Variants in LNX1 observed in about 807,000 individuals in gnomAD.
The protein encoded by LNX1 is E3 ubiquitin-protein ligase LNX.
In LNX1, 54 loss-of-function variants were observed where a neutral mutation model predicts 68.4. The ratio of observed to expected loss-of-function variants is 0.79; its 90% CI spans 0.63 to 0.99. LNX1 has a LOEUF of 0.99. Among genes scored for constraint, LNX1 ranks in the 50% least tolerant of loss-of-function variants. The pLI is 0.00. For missense variants in LNX1, 906 were observed against 926.4 expected, an observed-to-expected ratio of 0.98 and a Z score of 0.29; for synonymous variants, 336 against 350.0, an observed-to-expected ratio of 0.96 and a Z score of 0.45.
Position 53,495,873 on chromosome 4 carries a change from T to C in LNX1, c.1350+150A>G. 1.1e-5 allele frequency: 11 copies of C among 972,506 alleles called. 1 individual carries two copies. The South Asian group carries it at 1.8e-4, about 16-fold the overall frequency. The allele number at this position is 972,506 out of a possible 1,614,324, so 60.2% of individuals were successfully genotyped here. A position where few individuals can be genotyped will look rare whatever the true frequency, so the allele number is the denominator to read the frequency against. ...AATGTTCTTACCTGGGCAGAAGCTT[T>C]GAAAATGTTGGTCTTTCCATCCTGA... On this transcript the variant is annotated intron_variant, in intron 6 of 10. Transcript: ENST00000263925.
intron 2 of LNX1, among the ~76,000 whole-genome samples, chr4:53,599,491 C>T (rs1346275369): frequency 6.6e-6 from 1 of 152,206 alleles, no homozygotes; most frequent in African/African-American, 2.4e-5. Context: ...ACCAGCAGCC[C>T]TTGGGCCTGC....
intron 10 of LNX1, 138 bp from the exon 11 acceptor site, chr4:53,461,180 G>C (rs1478442940): frequency 1.8e-5 from 14 of 764,948 alleles, no homozygotes; most frequent in Non-Finnish European, 2.8e-5. Context: ...GATATTTCTT[G>C]CCTCTTATTT....
chr4:53,552,932 T>C (rs768718349), intron 2 of LNX1, among the ~76,000 whole-genome samples: 4 of 152,108 alleles, frequency 2.6e-5, no homozygotes, highest in Non-Finnish European at 5.9e-5. Context: ...AGTACAGTGC[T>C]GCATCCTGAA....
chr4:53,531,061 A>C (rs1727986726), intron 2 of LNX1, among the ~76,000 whole-genome samples: 1 of 152,150 alleles, frequency 6.6e-6, no homozygotes, highest in African/African-American at 2.4e-5. Flanking sequence ...GCTACTCAGG[A>C]GGCTGAGGTG....
intron 2 of LNX1, among the ~76,000 whole-genome samples, chr4:53,532,657 C>A (rs1728100320): frequency 6.6e-6 from 1 of 152,126 alleles, no homozygotes; most frequent in South Asian, 2.1e-4. Flanking sequence ...CCCTATGTGA[C>A]CATTTGGAGA....
chr4:53,496,060 C>T lies in LNX1; in HGVS notation c.1313G>A (p.Arg438Gln), dbSNP rs749787232. 1.2e-5 allele frequency: 20 copies of T among 1,613,860 alleles called. No homozygotes were observed. The highest frequency in any genetic ancestry group is 2.7e-5 in the African/African-American group (2 of 74,910). Residue 438 changes from arginine (R) to glutamine (Q), a missense_variant, in exon 6 of 11, where the codon CGA (arginine) becomes CAA (glutamine). Transcript: ENST00000263925. Reference protein sequence around the residue: ...RVLAINGHDLRYGSPESAAHL... With the variant: ...RVLAINGHDLQYGSPESAAHL... ...AGCCGCACTTTCTGGGCTGCCATAT[C>T]GAAGATCATGTCCATTGATGGCTAA...
chr4:53,506,273 C>T (rs1725863101), intron 4 of LNX1, among the ~76,000 whole-genome samples: 1 of 152,176 alleles, frequency 6.6e-6, no homozygotes, highest in Non-Finnish European at 1.5e-5. Flanking sequence ...ATCCCCTTAA[C>T]ATTATTGTCA....
chr4:53,634,428 G>A (rs1256273346), intron 1 of LNX1, among the ~76,000 whole-genome samples: 4 of 151,974 alleles, frequency 2.6e-5, no homozygotes, highest in African/African-American at 9.7e-5. Context: ...TATTTTAGTA[G>A]AGACGGGGTT....
intron 1 of LNX1, among the ~76,000 whole-genome samples, chr4:53,585,908 G>A (rs894868331): frequency 4.6e-5 from 7 of 152,094 alleles, no homozygotes; most frequent in African/African-American, 1.7e-4. Flanking sequence ...ATTTCCAGGG[G>A]TATTCCTGCA....
intron 2 of LNX1, among the ~76,000 whole-genome samples, chr4:53,530,287 A>T (rs775546792): frequency 1.8e-4 from 27 of 152,212 alleles, no homozygotes; most frequent in Non-Finnish European, 3.1e-4. Flanking sequence ...AAAATATTGC[A>T]AGATATGTAA....
chr4:53,627,814 A>T (rs371692165), intron 1 of LNX1, among the ~76,000 whole-genome samples: 1 of 152,166 alleles, frequency 6.6e-6, no homozygotes, highest in Non-Finnish European at 1.5e-5. Context: ...GAAGTGCTTG[A>T]GTTAGAGCAG....
At chr4:53,515,106 A>G (rs557103892) in intron 2 of LNX1, among the ~76,000 whole-genome samples, 1 of 152,298 alleles carries the variant, frequency 6.6e-6, no homozygotes, top group African/African-American at 2.4e-5. Context: ...CTAGTTCCAC[A>G]ATTACACCAG....
chr4:53,527,383 T>C (rs1244520919), intron 2 of LNX1, among the ~76,000 whole-genome samples: 2 of 152,196 alleles, frequency 1.3e-5, no homozygotes, highest in East Asian at 1.9e-4. Context: ...GGTGTGATGC[T>C]CCCTATATGA....
At chr4:53,642,178 C>T (rs549546714) in intron 1 of LNX1, among the ~76,000 whole-genome samples, 3 of 135,538 alleles carry the variant, frequency 2.2e-5, no homozygotes, top group South Asian at 2.5e-4. Flanking sequence ...GCCATGATCA[C>T]ATTACTGCAC....
rs897574920 is a variant in LNX1, at chr4:53,476,867, T to C, written c.1778A>G (p.Lys593Arg). 1.9e-6 allele frequency: 3 copies of C among 1,614,068 alleles called. No homozygotes were observed. Among genetic ancestry groups the C allele is most frequent in the African/African-American group, 2.7e-5 (2 of 74,920 alleles). ...GCAGTCTTCCTGGGGCTCATACTCT[T>C]TGACTTCCAAAGCTTTGAGTACTAT... ...SSIVLKALEVKEYEPQEDCSS... is the reference protein window; with the variant it reads ...SSIVLKALEVREYEPQEDCSS... The change falls in exon 9 of 11, where the codon AAA becomes AGA. Residue 593 changes from lysine to arginine, a missense_variant. Physicochemically the swap from Lys to Arg is conservative, Grantham distance 26. Coordinates refer to ENST00000263925, the MANE Select transcript of LNX1 (RefSeq NM_001126328.3).
intron 2 of LNX1, among the ~76,000 whole-genome samples, chr4:53,610,070 C>G (rs1378731579): frequency 1.3e-5 from 2 of 151,800 alleles, no homozygotes; most frequent in African/African-American, 2.4e-5. Flanking sequence ...ACGCTGCTTC[C>G]CAACACAGTA....
intron 2 of LNX1, among the ~76,000 whole-genome samples, chr4:53,537,887 G>A (rs868261374): frequency 1.3e-5 from 2 of 152,220 alleles, no homozygotes; most frequent in South Asian, 2.1e-4. Context: ...TTCAGGAAAC[G>A]GTGTGGGGAG....
At chr4:53,482,667 G>A (rs543700414) in intron 6 of LNX1, among the ~76,000 whole-genome samples, 1 of 152,156 alleles carries the variant, frequency 6.6e-6, no homozygotes, top group Non-Finnish European at 1.5e-5. Flanking sequence ...GAGATGCAGA[G>A]GCAGAGTAAT....
At chr4:53,594,718 AT>A (rs1017438816), upstream of LNX1, among the ~76,000 whole-genome samples, 27 of 145,714 alleles carry the variant, frequency 1.9e-4, no homozygotes, top group East Asian at 2.0e-4. Flanking sequence ...TTCTTTTTTA[AT>A]TTTTTTTTTT....
Sources: allele counts gnomAD v4.1 joint callset (sites outside exome capture counted in the v4.1 genomes callset), GRCh38; gene constraint gnomAD v4.1.1; transcripts MANE v1.5; gene names NCBI Gene and HGNC (gene_info 2026-07-23, HGNC 2026-07-21).